The following PDE4D variants were observed in gnomAD, a reference collection of about 807,000 sequenced individuals.
PDE4D encodes phosphodiesterase 4D, also known as 3',5'-cyclic-AMP phosphodiesterase 4D.
Under a neutral mutation model 87.4 loss-of-function variants are expected in PDE4D, and 24 were observed. The observed-to-expected ratio is 0.27, with a 90% CI of 0.20 to 0.39. PDE4D has a LOEUF of 0.39. Ranked by LOEUF, PDE4D falls within the 10% of genes least tolerant of loss-of-function variation. The pLI is 1.00. For missense variants in PDE4D, 714 were observed against 1,041.0 expected (o/e 0.69, Z 4.32); for synonymous variants, 384 against 383.2 (o/e 1.00, Z -0.02).
intron 2 of PDE4D, among the ~76,000 whole-genome samples, chr5:60,175,783 T>C (rs571191076): frequency 6.6e-6 from 1 of 152,242 alleles, no homozygotes; most frequent in South Asian, 2.1e-4. Context: ...CTTAGGTAGG[T>C]AATGTGTACC....
chr5:59,726,167 A>G (rs763924716), intron 1 of PDE4D, among the ~76,000 whole-genome samples: 7 of 152,132 alleles, frequency 4.6e-5, no homozygotes, highest in South Asian at 4.1e-4. Context: ...TCCCAACACT[A>G]TAATTTTAAC....
intron 6 of PDE4D, among the ~76,000 whole-genome samples, chr5:58,995,092 T>C (rs1047985462): frequency 2.0e-5 from 3 of 151,970 alleles, no homozygotes; most frequent in African/African-American, 7.3e-5. Context: ...CCAGTACAAA[T>C]TCTGGTTGTT....
At chr5:59,846,391 T>C (rs766792294) in intron 1 of PDE4D, among the ~76,000 whole-genome samples, 1 of 152,084 alleles carries the variant, frequency 6.6e-6, no homozygotes, top group Non-Finnish European at 1.5e-5. Flanking sequence ...TCTCAAGCTT[T>C]GTTTCATAAA....
chr5:59,073,120 G>C lies in PDE4D; in HGVS notation c.809-34149C>G, dbSNP rs60527700. Among the ~76,000 whole-genome samples, 409 of 152,308 alleles carry C rather than the reference G, an allele frequency of 2.7e-3. 3 individuals carry two copies. In the East Asian group the frequency reaches 0.044, roughly 17 times the overall value. ...TTAATTCAACAAACTTTATTGAACA[G>C]TTGGTAAGTATGAAGCATCATCTCT... On this transcript the variant is annotated intron_variant, in intron 5 of 14. Coordinates refer to ENST00000340635, the MANE Select transcript of PDE4D (RefSeq NM_001104631.2).
chr5:59,443,263 C>G (rs1295572200), intron 1 of PDE4D, among the ~76,000 whole-genome samples: 1 of 151,766 alleles, frequency 6.6e-6, no homozygotes, highest in Non-Finnish European at 1.5e-5. Flanking sequence ...GACAGAATGC[C>G]TGAAAAAAAA....
intron 1 of PDE4D, among the ~76,000 whole-genome samples, chr5:59,636,690 TG>T (rs1832294509): frequency 6.6e-6 from 1 of 152,214 alleles, no homozygotes; most frequent in Non-Finnish European, 1.5e-5. Flanking sequence ...TTGGGAAAAC[TG>T]GCTAGCCATA....
At chr5:60,454,478 A>G (rs530935706) in intron 1 of PDE4D, among the ~76,000 whole-genome samples, 14 of 152,158 alleles carry the variant, frequency 9.2e-5, no homozygotes, top group Non-Finnish European at 1.5e-4. Context: ...CATAAAAAGG[A>G]ATGAGATAAT....
chr5:59,216,616 T>G (rs1486690005), intron 1 of PDE4D: 1 of 154,688 alleles, frequency 6.5e-6, no homozygotes, highest in Non-Finnish European at 1.4e-5. Flanking sequence ...AGACTGCCAG[T>G]CTAACCATCT....
At chr5:60,491,174 T>C (rs1269660855), upstream of PDE4D, 1 of 152,058 alleles carries the variant, frequency 6.6e-6, no homozygotes, top group East Asian at 1.9e-4. Context: ...GAAAGAAAAA[T>C]AGTTGCTTTT....
chr5:59,781,921 G>A (rs1764677845), intron 1 of PDE4D, among the ~76,000 whole-genome samples: 1 of 151,696 alleles, frequency 6.6e-6, no homozygotes, highest in Non-Finnish European at 1.5e-5. Flanking sequence ...ATGTGGAGTT[G>A]GGAATAACAT....
chr5:59,908,561 G>A (rs1428405054), intron 3 of PDE4D, among the ~76,000 whole-genome samples: 1 of 152,124 alleles, frequency 6.6e-6, no homozygotes, highest in Non-Finnish European at 1.5e-5. Context: ...ACCTCCTCAA[G>A]ATGTTCGCAT....
At chr5:59,802,938 C>G (rs902059922) in intron 1 of PDE4D, among the ~76,000 whole-genome samples, 8 of 152,064 alleles carry the variant, frequency 5.3e-5, no homozygotes, top group Non-Finnish European at 1.0e-4. Flanking sequence ...AATATGTAAA[C>G]AAAGCAAGAA....
intron 2 of PDE4D, among the ~76,000 whole-genome samples, chr5:60,079,728 G>T (rs967258569): frequency 1.3e-5 from 2 of 152,082 alleles, no homozygotes; most frequent in Non-Finnish European, 2.9e-5. Flanking sequence ...CTGCTCCATT[G>T]GTCTATTTGT....
At chr5:60,151,230 A>C (rs1279430239) in intron 2 of PDE4D, among the ~76,000 whole-genome samples, 1 of 152,192 alleles carries the variant, frequency 6.6e-6, no homozygotes, top group Non-Finnish European at 1.5e-5. Context: ...AAGCAACTTT[A>C]CATTTTGTTC....
At chr5:60,243,050 T>C (rs1747311516) in intron 1 of PDE4D, among the ~76,000 whole-genome samples, 1 of 151,750 alleles carries the variant, frequency 6.6e-6, no homozygotes, top group Admixed American at 6.6e-5. Flanking sequence ...AGTTTGCTTC[T>C]TGAAAAGACA....
chr5:60,045,284 T>G, intron 2 of PDE4D, among the ~76,000 whole-genome samples: 1 of 152,004 alleles, frequency 6.6e-6, no homozygotes, highest in South Asian at 2.1e-4. Flanking sequence ...ATGAGTAGGT[T>G]GTGAAAATTT....
intron 2 of PDE4D, among the ~76,000 whole-genome samples, chr5:60,118,170 G>A (rs1778335839): frequency 6.6e-6 from 1 of 152,070 alleles, no homozygotes; most frequent in Admixed American, 6.6e-5. Flanking sequence ...ACCCAAACAA[G>A]TTTCTGTCAT....
intron 1 of PDE4D, among the ~76,000 whole-genome samples, chr5:59,429,649 T>C (rs1167403891): frequency 6.6e-6 from 1 of 152,170 alleles, no homozygotes. Context: ...TAAATGCTTC[T>C]GAAGTTCATT....
At chr5:59,164,819 C>T (rs62357964) in intron 5 of PDE4D, 1,867 of 152,116 alleles carry the variant, frequency 0.012, 16 homozygotes, top group Middle Eastern at 0.024. Flanking sequence ...TGAATGGCTA[C>T]GCAGAGGGCA....
Sources: gnomAD v4.1 joint callset for allele counts (sites outside exome capture counted in the v4.1 genomes callset) on GRCh38, gnomAD v4.1.1 for gene constraint, MANE v1.5 for transcripts, NCBI Gene and HGNC (gene_info 2026-07-23, HGNC 2026-07-21) for gene names.